The following BNC2 variants were observed in gnomAD, a reference collection of about 807,000 sequenced individuals.
BNC2 encodes zinc finger protein basonuclin-2.
A neutral mutation model predicts 76.3 loss-of-function variants in BNC2; 20 were observed. The observed-to-expected ratio is 0.26, with a 90% CI of 0.18 to 0.38. BNC2 has a LOEUF of 0.38. Among genes scored for constraint, BNC2 ranks in the 10% least tolerant of loss-of-function variants. The probability of loss-of-function intolerance (pLI) is 1.00; values close to 1 mark genes in which losing one functional copy is unlikely to be tolerated. For synonymous variants in BNC2, 582 were observed against 514.8 expected (o/e 1.13, Z -1.77); for missense variants, 1,382 against 1,399.8 (o/e 0.99, Z 0.20).
chr9:16,846,195 T>C (rs1403482686), intron 1 of BNC2, among the ~76,000 whole-genome samples: 1 of 151,028 alleles, frequency 6.6e-6, no homozygotes, highest in African/African-American at 2.4e-5. Flanking sequence ...ACGTTTGAAA[T>C]ATAGTTTTGG....
At chr9:16,800,330 C>T (rs1471515424) in intron 1 of BNC2, among the ~76,000 whole-genome samples, 3 of 151,900 alleles carry the variant, frequency 2.0e-5, no homozygotes, top group African/African-American at 4.8e-5. Flanking sequence ...CTAGAAGAAA[C>T]GAAATACTAT....
intron 5 of BNC2, among the ~76,000 whole-genome samples, chr9:16,523,065 G>A (rs944827849): frequency 6.6e-6 from 1 of 152,206 alleles, no homozygotes; most frequent in East Asian, 1.9e-4. Flanking sequence ...CATGGAAGCA[G>A]AACTGGTGAG....
At chr9:16,554,696 T>A (rs1818769169) in intron 4 of BNC2, among the ~76,000 whole-genome samples, 1 of 152,218 alleles carries the variant, frequency 6.6e-6, no homozygotes, top group African/African-American at 2.4e-5. Flanking sequence ...CTCAGCCTTC[T>A]GATGAGTGGC....
intron 5 of BNC2, among the ~76,000 whole-genome samples, chr9:16,453,452 AAG>A (rs1446705049): frequency 6.6e-6 from 1 of 152,178 alleles, no homozygotes; most frequent in African/African-American, 2.4e-5. Flanking sequence ...CTGAAGAGTT[AAG>A]AGAGTTTCAT....
rs116473924 is a variant in BNC2, at chr9:16,848,431, C to T, written c.3+22215G>A. ...CATTCAGAACCTATCCAATGCAAAA[C>T]AGCTAGACGTTATACTCCCACAGGA... is the stretch of plus-strand genomic sequence containing the variant. On this transcript the variant is annotated intron_variant, in intron 1 of 6. Coordinates refer to ENST00000380672, the MANE Select transcript of BNC2 (RefSeq NM_017637.6). Among the ~76,000 whole-genome samples, 926 of 152,334 alleles carry T rather than the reference C, an allele frequency of 6.1e-3. 10 individuals carry two copies. Among genetic ancestry groups the T allele is most frequent in the African/African-American group, 0.021 (888 of 41,576 alleles).
At chr9:16,772,462 C>T (rs1586871187) in intron 1 of BNC2, among the ~76,000 whole-genome samples, 1 of 152,064 alleles carries the variant, frequency 6.6e-6, no homozygotes, top group South Asian at 2.1e-4. Context: ...GGCAGAAAAT[C>T]CAATAGCTTA....
chr9:16,807,202 GT>G (rs1817936811), intron 1 of BNC2, among the ~76,000 whole-genome samples: 1 of 152,132 alleles, frequency 6.6e-6, no homozygotes, highest in South Asian at 2.1e-4. Flanking sequence ...ACAATAAAAA[GT>G]CAGTGTCAAC....
At chr9:16,748,395 C>A (rs1212933581) in intron 1 of BNC2, among the ~76,000 whole-genome samples, 2 of 152,022 alleles carry the variant, frequency 1.3e-5, no homozygotes, top group East Asian at 1.9e-4. Context: ...TGCCAATGGT[C>A]CCAGCTACTC....
At chr9:16,570,712 G>A (rs914181357) in intron 4 of BNC2, among the ~76,000 whole-genome samples, 1 of 151,988 alleles carries the variant, frequency 6.6e-6, no homozygotes, top group African/African-American at 2.4e-5. Flanking sequence ...TGAGCAGATA[G>A]GGAAACCTAA....
intron 1 of BNC2, among the ~76,000 whole-genome samples, chr9:16,820,813 A>G (rs942786762): frequency 6.6e-6 from 1 of 152,152 alleles, no homozygotes; most frequent in African/African-American, 2.4e-5. Flanking sequence ...GGGAAAAAAA[A>G]AAAACACTAA....
intron 5 of BNC2, among the ~76,000 whole-genome samples, chr9:16,544,320 C>A (rs1818407896): frequency 6.6e-6 from 1 of 152,040 alleles, no homozygotes; most frequent in Admixed American, 6.6e-5. Context: ...TTCCTAAAAA[C>A]CTGTGAGGTC....
chr9:16,502,266 A>T (rs1822534904), intron 5 of BNC2, among the ~76,000 whole-genome samples: 1 of 152,176 alleles, frequency 6.6e-6, no homozygotes, highest in Admixed American at 6.5e-5. Flanking sequence ...TGGAAGGATC[A>T]CTTGAATTCA....
chr9:16,693,321 TA>T (rs1382805688), intron 3 of BNC2, among the ~76,000 whole-genome samples: 1 of 152,052 alleles, frequency 6.6e-6, no homozygotes, highest in African/African-American at 2.4e-5. Flanking sequence ...CGTGCATGAA[TA>T]AAATCTGAAG....
At chr9:16,464,158 G>C (rs1272310446) in intron 5 of BNC2, among the ~76,000 whole-genome samples, 16 of 150,614 alleles carry the variant, frequency 1.1e-4, no homozygotes, top group Non-Finnish European at 2.2e-4. Flanking sequence ...GGAGCTAGTA[G>C]TAGACCCTAA....
intron 5 of BNC2, among the ~76,000 whole-genome samples, chr9:16,542,285 CT>C (rs1183416156): frequency 1.3e-5 from 2 of 152,082 alleles, no homozygotes; most frequent in Non-Finnish European, 2.9e-5. Flanking sequence ...ATGTTTCACT[CT>C]CTTATTTGGG....
intron 1 of BNC2, among the ~76,000 whole-genome samples, chr9:16,860,378 C>A (rs886320383): frequency 5.3e-5 from 8 of 152,096 alleles, no homozygotes; most frequent in Admixed American, 2.0e-4. Context: ...CAGAAATAAA[C>A]CCTTATATAT....
intron 5 of BNC2, among the ~76,000 whole-genome samples, chr9:16,530,198 T>A (rs571403123): frequency 1.3e-5 from 2 of 152,004 alleles, no homozygotes; most frequent in Admixed American, 6.6e-5. Flanking sequence ...CTTTCTAAGG[T>A]TGACTATGCA....
At chr9:16,832,294 A>G in intron 1 of BNC2, 1 of 1,282,430 alleles carries the variant, frequency 7.8e-7, no homozygotes, top group Non-Finnish European at 1.0e-6. Flanking sequence ...GTCATGTGTC[A>G]TGTTATCAAG....
chr9:16,809,351 A>C (rs1817990542), intron 1 of BNC2, among the ~76,000 whole-genome samples: 1 of 151,124 alleles, frequency 6.6e-6, no homozygotes, highest in African/African-American at 2.4e-5. Context: ...AGAAAGCTCA[A>C]TTTTTTTTTA....
Sources: allele counts gnomAD v4.1 joint callset (sites outside exome capture counted in the v4.1 genomes callset), GRCh38; gene constraint gnomAD v4.1.1; transcripts MANE v1.5; gene names NCBI Gene and HGNC (gene_info 2026-07-23, HGNC 2026-07-21).